The following GPR19 variants were observed in gnomAD, a reference collection of about 807,000 sequenced individuals.
GPR19 encodes the protein probable G protein-coupled receptor 19.
Under a neutral mutation model 28.5 loss-of-function variants are expected in GPR19, and 14 were observed. The observed-to-expected ratio is 0.49, with a 90% CI of 0.32 to 0.77. GPR19 has a LOEUF of 0.77. GPR19 is among the 30% of genes least tolerant of loss of function. GPR19 has a pLI of 0.03. For missense variants in GPR19, 409 were observed against 504.1 expected, an observed-to-expected ratio of 0.81 and a Z score of 1.81; for synonymous variants, 173 against 184.1, an observed-to-expected ratio of 0.94 and a Z score of 0.49.
chr12:12,662,410 ATGTGGCT>A lies in GPR19; in HGVS notation c.32_38del (p.Lys11IlefsTer2). The A allele has an allele frequency of 1.2e-6, 2 of 1,614,152 alleles. No individual in the cohort carries two copies. The highest frequency in any genetic ancestry group is 8.5e-7 in the Non-Finnish European group (1 of 1,180,018). ...GCACCAGAAGTGTAGGAATAATCAA[ATGTGGCT>A]TGCTGTTATCCATTCTGTGAGCAAA... On this transcript the variant is annotated frameshift_variant, in exon 4 of 4. Transcript: ENST00000651487. LOFTEE classifies it high-confidence loss of function.
chr12:12,666,770 T>A (rs1192023557), intron 3 of GPR19, among the ~76,000 whole-genome samples: 1 of 152,236 alleles, frequency 6.6e-6, no homozygotes, highest in Non-Finnish European at 1.5e-5. Flanking sequence ...TATGTGCCTC[T>A]GCTAGGAGAA....
intron 3 of GPR19, among the ~76,000 whole-genome samples, chr12:12,671,677 A>G (rs1945857141): frequency 6.6e-6 from 1 of 152,184 alleles, no homozygotes; most frequent in African/African-American, 2.4e-5. Context: ...TAAAACAACC[A>G]TGAACATTCC....
chr12:12,661,383 T>C lies in GPR19; in HGVS notation c.1066A>G (p.Asn356Asp). ...GAACTTGTTGTGATAGTATAGGCAT[T>C]GCTTCGGTAACATTTCATAGAGGAC... ...CMSSMKCYRS[N>D]AYTITTSSRM... The change falls in exon 4 of 4, where the codon AAT (asparagine) becomes GAT (aspartate). Residue 356 changes from asparagine (N) to aspartate (D), a missense_variant. By Grantham distance (23) the Asn-to-Asp change is conservative. Transcript: ENST00000651487. The surrounding 1 kb of genome is among the most constrained non-coding windows in gnomAD (Gnocchi z 4.2). 6.2e-7 allele frequency: 1 copy of C among 1,613,868 alleles called. No individual in the cohort carries two copies. Among genetic ancestry groups the C allele is most frequent in the Non-Finnish European group, 8.5e-7 (1 of 1,179,724 alleles).
chr12:12,706,330 C>T, the GPR19 span, among the ~76,000 whole-genome samples: 1 of 152,180 alleles, frequency 6.6e-6, no homozygotes, highest in Non-Finnish European at 1.5e-5. Flanking sequence ...CTCTCCTCCA[C>T]TCTACTAAGG....
At chr12:12,689,746 T>C (rs1282279986) in intron 2 of GPR19, among the ~76,000 whole-genome samples, 1 of 152,218 alleles carries the variant, frequency 6.6e-6, no homozygotes, top group African/African-American at 2.4e-5. Context: ...CTAGACTTAG[T>C]TACTTCTTTC....
chr12:12,707,989 CTTTTTTTTTTTTTTTTT>C, the GPR19 span, among the ~76,000 whole-genome samples: 1 of 62,438 alleles, frequency 1.6e-5, no homozygotes, highest in Non-Finnish European at 3.0e-5. Context: ...ATTTCCTATT[CTTTTTTTTTTTTTTTTT>C]TTTTTTTTTT....
chr12:12,703,403 T>C, the GPR19 span: 1 of 985,372 alleles, frequency 1.0e-6, no homozygotes, highest in Non-Finnish European at 1.2e-6. Context: ...ACAGGAATCT[T>C]AGCCATAGGA....
chr12:12,717,214 G>A, the GPR19 span: 8 of 1,046,862 alleles, frequency 7.6e-6, no homozygotes, highest in African/African-American at 1.2e-4. Context: ...GGCGGCGCTC[G>A]GGGAGGCGGC....
At chr12:12,673,197 ATCT>A (rs1454646200) in intron 3 of GPR19, among the ~76,000 whole-genome samples, 3 of 152,150 alleles carry the variant, frequency 2.0e-5, no homozygotes, top group African/African-American at 7.2e-5. Flanking sequence ...CATCAATATA[ATCT>A]TCTTCTGGCC....
chr12:12,711,934 A>G, the GPR19 span, among the ~76,000 whole-genome samples: 1 of 151,990 alleles, frequency 6.6e-6, no homozygotes, highest in Non-Finnish European at 1.5e-5. Context: ...GTATCTGTTG[A>G]TTGAATAACT....
chr12:12,717,019 G>A, the GPR19 span: 5 of 1,000,700 alleles, frequency 5.0e-6, no homozygotes, highest in African/African-American at 5.2e-5. Flanking sequence ...CGGGAGGGAG[G>A]TCGGGGCTTA....
chr12:12,676,688 C>A (rs1209544769), intron 3 of GPR19, among the ~76,000 whole-genome samples: 6 of 152,208 alleles, frequency 3.9e-5, no homozygotes, highest in African/African-American at 1.4e-4. Flanking sequence ...TAATACCAAA[C>A]CTCTCAGAGA....
the GPR19 span, chr12:12,717,244 G>A: frequency 7.6e-6 from 8 of 1,054,792 alleles, no homozygotes; most frequent in African/African-American, 5.0e-5. Context: ...AACGAGGGGA[G>A]GTGGCGGAAC....
At chr12:12,684,007 T>A (rs991836808) in intron 3 of GPR19, 1 of 152,212 alleles carries the variant, frequency 6.6e-6, no homozygotes, top group Non-Finnish European at 1.5e-5. Context: ...TGAAAAAGGA[T>A]GAAACAGCTT....
intron 3 of GPR19, among the ~76,000 whole-genome samples, chr12:12,667,780 T>C (rs973743069): frequency 1.3e-5 from 2 of 151,954 alleles, no homozygotes; most frequent in Admixed American, 1.3e-4. Context: ...ATGTACCCTA[T>C]CACTTTGCTT....
chr12:12,697,996 T>G (rs940431150), upstream of GPR19, among the ~76,000 whole-genome samples: 1 of 152,210 alleles, frequency 6.6e-6, no homozygotes, highest in Non-Finnish European at 1.5e-5. Flanking sequence ...CTTGTTCACT[T>G]TAATGATTAA....
At chr12:12,706,779 C>T in the GPR19 span, among the ~76,000 whole-genome samples, 1 of 152,158 alleles carries the variant, frequency 6.6e-6, no homozygotes, top group African/African-American at 2.4e-5. Context: ...ACACTATCAA[C>T]TCTCTACCCT....
intron 2 of GPR19, among the ~76,000 whole-genome samples, chr12:12,687,489 G>T (rs1246992771): frequency 6.6e-6 from 1 of 152,176 alleles, no homozygotes; most frequent in Non-Finnish European, 1.5e-5. Context: ...GCTTTTCTGA[G>T]AACTGGTGCA....
upstream of GPR19, among the ~76,000 whole-genome samples, chr12:12,698,511 T>C (rs542723019): frequency 1.3e-5 from 2 of 152,366 alleles, no homozygotes; most frequent in African/African-American, 4.8e-5. Flanking sequence ...TGCCAAATAA[T>C]GAATCTGATA....
Sources: gnomAD v4.1 joint callset for allele counts (sites outside exome capture counted in the v4.1 genomes callset) on GRCh38, gnomAD v4.1.1 for gene constraint, Gnocchi (gnomAD v3.1) non-coding constraint, MANE v1.5 for transcripts, NCBI Gene and HGNC (gene_info 2026-07-23, HGNC 2026-07-21) for gene names.